Variants in RANBP2 observed in about 807,000 individuals in gnomAD.
The protein encoded by RANBP2 is E3 SUMO-protein ligase RanBP2.
In RANBP2, 57 loss-of-function variants were observed where a neutral mutation model predicts 303.6. That is an observed-to-expected ratio of 0.19 (90% confidence interval 0.15 to 0.23). RANBP2 has a LOEUF of 0.23. Among genes scored for constraint, RANBP2 ranks in the 10% least tolerant of loss-of-function variants. The pLI is 1.00. For missense variants in RANBP2, 3,138 were observed against 3,780.8 expected, an observed-to-expected ratio of 0.83 and a Z score of 4.46; for synonymous variants, 1,167 against 1,301.5, an observed-to-expected ratio of 0.90 and a Z score of 2.23.
the RANBP2 span, among the ~76,000 whole-genome samples, chr2:109,044,491 G>C: frequency 1.3e-5 from 2 of 151,990 alleles, no homozygotes; most frequent in Admixed American, 6.6e-5. Flanking sequence ...CCACTGCACT[G>C]CAGCCTGGAC....
chr2:109,538,822 A>C, the RANBP2 span, among the ~76,000 whole-genome samples: 1 of 152,186 alleles, frequency 6.6e-6, no homozygotes, highest in Non-Finnish European at 1.5e-5. Flanking sequence ...GCTGGCCTGC[A>C]TTGTCTTTGT....
chr2:109,594,710 C>T, the RANBP2 span: 10 of 152,376 alleles, frequency 6.6e-5, no homozygotes, highest in East Asian at 1.2e-3. Context: ...TGTGCGGGCG[C>T]GTGCACGCAT....
chr2:109,078,092 A>ATATATATATATATATATAGCG, the RANBP2 span, among the ~76,000 whole-genome samples: 1 of 8,576 alleles, frequency 1.2e-4, no homozygotes, highest in African/African-American at 2.0e-4. Context: ...ATATATATAT[A>ATATATATATATATATATAGCG]TATATATATA....
chr2:109,410,063 A>G, the RANBP2 span, among the ~76,000 whole-genome samples: 3,094 of 152,282 alleles, frequency 0.02, 47 homozygotes, highest in Non-Finnish European at 0.032. Context: ...TAATCCCAGC[A>G]GGGAACTAAT....
the RANBP2 span, among the ~76,000 whole-genome samples, chr2:109,415,543 C>G: frequency 1.3e-5 from 2 of 152,254 alleles, no homozygotes; most frequent in East Asian, 3.9e-4. Flanking sequence ...TGCCCTCTGC[C>G]GGTGCAGGCT....
At chr2:109,424,747 G>A in the RANBP2 span, among the ~76,000 whole-genome samples, 4 of 152,082 alleles carry the variant, frequency 2.6e-5, no homozygotes, top group South Asian at 8.3e-4. Context: ...ACGGCTCCAC[G>A]GACCCACCGT....
the RANBP2 span, among the ~76,000 whole-genome samples, chr2:109,248,649 AT>A: frequency 6.6e-6 from 1 of 152,218 alleles, no homozygotes; most frequent in East Asian, 1.9e-4. Flanking sequence ...CAAGCAAATA[AT>A]TAGTACACTT....
the RANBP2 span, chr2:109,614,209 C>T: frequency 9.4e-7 from 1 of 1,062,750 alleles, no homozygotes; most frequent in Non-Finnish European, 1.2e-6. Flanking sequence ...CGGAAGTGGG[C>T]GGGCCTTGAG....
chr2:108,979,481 A>T, the RANBP2 span, among the ~76,000 whole-genome samples: 3 of 151,476 alleles, frequency 2.0e-5, no homozygotes, highest in African/African-American at 7.3e-5. Context: ...ACACACACAC[A>T]CACACACACA....
chr2:108,948,492 C>T, the RANBP2 span, among the ~76,000 whole-genome samples: 1,585 of 152,270 alleles, frequency 0.01, 23 homozygotes, highest in African/African-American at 0.036. Flanking sequence ...CTACCTGAGA[C>T]TGGGTAATTT....
the RANBP2 span, among the ~76,000 whole-genome samples, chr2:108,838,378 G>A: frequency 6.6e-5 from 10 of 152,070 alleles, no homozygotes; most frequent in Non-Finnish European, 8.8e-5. Context: ...TCATTAGTCC[G>A]GAGAATCTTT....
At chr2:109,137,720 A>G in the RANBP2 span, among the ~76,000 whole-genome samples, 1 of 152,266 alleles carries the variant, frequency 6.6e-6, no homozygotes, top group Admixed American at 6.5e-5. Context: ...AAATGGTTGC[A>G]GGTTAACTAA....
the RANBP2 span, among the ~76,000 whole-genome samples, chr2:108,833,546 A>G: frequency 2.1e-4 from 32 of 152,336 alleles, no homozygotes; most frequent in African/African-American, 7.7e-4. Flanking sequence ...AGCTATGGGA[A>G]TGTTTATAGT....
chr2:109,646,799 C>T, the RANBP2 span, among the ~76,000 whole-genome samples: 1 of 151,832 alleles, frequency 6.6e-6, no homozygotes, highest in East Asian at 1.9e-4. Flanking sequence ...AGCCACTGCT[C>T]CCGGCCACAA....
chr2:109,256,143 G>A, the RANBP2 span, among the ~76,000 whole-genome samples: 2,986 of 152,250 alleles, frequency 0.02, 104 homozygotes, highest in African/African-American at 0.067. Context: ...GCTTCTGGCC[G>A]CTGTGACCCA....
At chr2:109,113,758 A>T in the RANBP2 span, among the ~76,000 whole-genome samples, 562 of 152,262 alleles carry the variant, frequency 3.7e-3, 4 homozygotes, top group African/African-American at 0.013. Context: ...TCAGTATGAT[A>T]TTGGCTGTGG....
the RANBP2 span, among the ~76,000 whole-genome samples, chr2:109,109,764 G>A: frequency 6.6e-6 from 1 of 152,246 alleles, no homozygotes; most frequent in East Asian, 1.9e-4. Context: ...GATGCAATTA[G>A]GTGAATTTAA....
chr2:108,842,458 G>A, the RANBP2 span, among the ~76,000 whole-genome samples: 1 of 152,152 alleles, frequency 6.6e-6, no homozygotes, highest in Non-Finnish European at 1.5e-5. Flanking sequence ...AAAGGGACCT[G>A]TGGGCAAGTG....
chr2:109,325,790 C>A, the RANBP2 span, among the ~76,000 whole-genome samples: 1 of 152,208 alleles, frequency 6.6e-6, no homozygotes, highest in Non-Finnish European at 1.5e-5. Flanking sequence ...GTGCCTGCTG[C>A]ACCCTCCTTA....
Sources: gnomAD v4.1 joint callset for allele counts (sites outside exome capture counted in the v4.1 genomes callset) on GRCh38, gnomAD v4.1.1 for gene constraint, MANE v1.5 for transcripts, NCBI Gene and HGNC (gene_info 2026-07-23, HGNC 2026-07-21) for gene names.